ZFP91: variants seen among roughly 807,000 people sequenced by gnomAD.
The protein encoded by ZFP91 is ZFP91 zinc finger protein, atypical E3 ubiquitin ligase.
ZFP91 carries 7 observed loss-of-function variants against 63.5 expected under a neutral mutation model. The observed-to-expected ratio is 0.11, with a 90% CI of 0.06 to 0.21. ZFP91 has a LOEUF of 0.21. Among genes scored for constraint, ZFP91 ranks in the 10% least tolerant of loss-of-function variants. ZFP91 has a pLI of 1.00. For synonymous variants in ZFP91, 330 were observed against 272.1 expected (o/e 1.21, Z -2.10); for missense variants, 628 against 736.6 (o/e 0.85, Z 1.71).
Position 58,617,301 on chromosome 11 carries a change from C to T in ZFP91, c.1308C>T (p.Gly436=), listed in dbSNP as rs1293405126. The T allele has an allele frequency of 6.2e-7, 1 of 1,613,830 alleles. No individual in the cohort carries two copies. The highest frequency in any genetic ancestry group is 8.5e-7 in the Non-Finnish European group (1 of 1,179,962). ...ACCAGTTTTCTTGCAATATCTGTGG[C>T]AAAAAATTTGAGAAGAAGGACAGCG... ...SFYQFSCNIC[G]KKFEKKDSVV... is the part of the protein sequence containing the mutation. The change falls in exon 11 of 11, where the codon GGC becomes GGT. Residue 436 remains glycine (G), a synonymous_variant. Coordinates refer to ENST00000316059, the MANE Select transcript of ZFP91 (RefSeq NM_053023.5). This position sits in a 1 kb window ranked among gnomAD's most constrained non-coding sequence, Gnocchi z 4.2.
At chr11:58,581,060 G>A (rs913094642) in intron 1 of ZFP91, among the ~76,000 whole-genome samples, 3 of 152,132 alleles carry the variant, frequency 2.0e-5, no homozygotes, top group Non-Finnish European at 4.4e-5. Flanking sequence ...TCTCTGCAAC[G>A]TGAGTTTGTG....
chr11:58,614,177 T>C, intron 8 of ZFP91, 52 bp from the exon 9 acceptor site: 1 of 1,235,806 alleles, frequency 8.1e-7, no homozygotes, highest in South Asian at 1.4e-5. Context: ...ACAAGTACTT[T>C]CAGGAAGCCT....
At chr11:58,614,861 T>G (rs900108072) in intron 9 of ZFP91, among the ~76,000 whole-genome samples, 1 of 152,168 alleles carries the variant, frequency 6.6e-6, no homozygotes, top group Non-Finnish European at 1.5e-5. Context: ...CAATATGTAT[T>G]ATAGAATAGA....
In ZFP91 at chr11:58,601,532, G is replaced by A. The variant is rs1855490453; in HGVS notation, c.371-8298G>A. Among the ~76,000 whole-genome samples the A allele has an allele frequency of 2.0e-5, 3 of 151,354 alleles. 1 individual carries two copies. The highest frequency in any genetic ancestry group is 7.3e-5 in the African/African-American group (3 of 41,200). ...AGAACCAACTTATTTACTTTATTCT[G>A]CTAGCTTTGGGTTTACTCTGCTCCT... On this transcript the variant is annotated intron_variant, in intron 2 of 10. Transcript: ENST00000316059.
At chr11:58,584,757 GCTTT>G (rs1449151933) in intron 1 of ZFP91, 95 bp from the exon 2 acceptor site, 10 of 1,092,636 alleles carry the variant, frequency 9.2e-6, no homozygotes, top group African/African-American at 1.7e-5. Flanking sequence ...TAGTCTAGAT[GCTTT>G]CTTTATCACT....
intron 2 of ZFP91, among the ~76,000 whole-genome samples, chr11:58,586,062 G>C (rs1377042222): frequency 6.6e-6 from 1 of 151,012 alleles, no homozygotes; most frequent in Admixed American, 6.6e-5. Context: ...TCCTGTTGTT[G>C]TTACTTAGAA....
chr11:58,615,199 A>G (rs1222918555), intron 9 of ZFP91, among the ~76,000 whole-genome samples: 4 of 152,224 alleles, frequency 2.6e-5, no homozygotes, highest in Non-Finnish European at 1.5e-5. Flanking sequence ...TTGACTACAC[A>G]GAGCCTGGCA....
intron 2 of ZFP91, among the ~76,000 whole-genome samples, chr11:58,589,960 A>G (rs369549086): frequency 7.2e-5 from 11 of 152,330 alleles, no homozygotes; most frequent in South Asian, 4.1e-4. Flanking sequence ...TAATTTGCCT[A>G]TTACAGCTCA....
chr11:58,579,682 C>G (rs1012363697), intron 1 of ZFP91, 60 bp downstream of exon 1: 24 of 1,429,668 alleles, frequency 1.7e-5, no homozygotes, highest in Admixed American at 2.6e-5. Context: ...GCAACCCTCT[C>G]GGCTCCCGTA....
intron 2 of ZFP91, among the ~76,000 whole-genome samples, chr11:58,588,073 T>G (rs1347026356): frequency 1.3e-5 from 2 of 152,188 alleles, no homozygotes; most frequent in Non-Finnish European, 2.9e-5. Flanking sequence ...ATTTGACTTA[T>G]AAGACCCCCT....
rs537948894 is a variant in ZFP91, at chr11:58,617,456, A to T, written c.1463A>T (p.Asp488Val). 8.1e-6 allele frequency: 13 copies of T among 1,614,110 alleles called. No individual in the cohort carries two copies. Among genetic ancestry groups the T allele is most frequent in the Non-Finnish European group, 1.0e-5 (12 of 1,179,984 alleles). Residue 488 changes from aspartate to valine, a missense_variant, in exon 11 of 11, where the codon GAT becomes GTT. Transcript: ENST00000316059. The surrounding 1 kb of genome is among the most constrained non-coding windows in gnomAD (Gnocchi z 4.2). ...TNPESLTQPSDGQGLPLLPEP... is the reference protein window; with the variant it reads ...TNPESLTQPSVGQGLPLLPEP... ...CCAGAGTCCCTGACGCAGCCTTCAG[A>T]TGGTCAGGGTCTTCCTCTTCTTCCT...
Position 58,611,614 on chromosome 11 carries a change from A to G in ZFP91, c.733A>G (p.Lys245Glu). The change falls in exon 6 of 11, where the codon AAG becomes GAG. Residue 245 changes from lysine to glutamate, a missense_variant. Physicochemically the swap from Lys to Glu is moderately conservative, Grantham distance 56. Transcript: ENST00000316059. ...YKPHLERETPKPRRKSGKVKE... is the reference protein window; with the variant it reads ...YKPHLERETPEPRRKSGKVKE... Reference sequence around the variant, plus strand: ...CATTTGTGTTTTCAGGGAAACCCCAAAGCCACGGAGAAAATCAGGGAAGGT... The same window carrying G: ...CATTTGTGTTTTCAGGGAAACCCCAGAGCCACGGAGAAAATCAGGGAAGGT... 2 of 1,612,492 alleles carry G rather than the reference A, an allele frequency of 1.2e-6. No individual in the cohort carries two copies. Among genetic ancestry groups the G allele is most frequent in the South Asian group, 2.2e-5 (2 of 90,908 alleles).
chr11:58,596,214 T>G (rs2134402261), intron 2 of ZFP91, among the ~76,000 whole-genome samples: 1 of 152,330 alleles, frequency 6.6e-6, no homozygotes, highest in Non-Finnish European at 1.5e-5. Flanking sequence ...AGTGGATCGT[T>G]ATAAGGTCTT....
At chr11:58,584,734 T>C in intron 1 of ZFP91, 122 bp from the exon 2 acceptor site, 6 of 863,450 alleles carry the variant, frequency 6.9e-6, no homozygotes, top group Non-Finnish European at 1.0e-5. Flanking sequence ...CTGAAAATTC[T>C]GTAGGACAAC....
At chr11:58,593,336 A>G (rs1254970786) in intron 2 of ZFP91, among the ~76,000 whole-genome samples, 2 of 152,204 alleles carry the variant, frequency 1.3e-5, no homozygotes, top group Non-Finnish European at 2.9e-5. Context: ...TCAACACTGT[A>G]TACTTAGGCT....
rs577922637 is a variant in ZFP91, at chr11:58,589,967, C to G, written c.370+5083C>G. ...CTTTATAATAATTTGCCTATTACAG[C>G]TCAACTTATTGCCATCTTCGACACA... On this transcript the variant is annotated intron_variant, in intron 2 of 10. Coordinates refer to ENST00000316059, the MANE Select transcript of ZFP91 (RefSeq NM_053023.5). Among the ~76,000 whole-genome samples the G allele has an allele frequency of 3.1e-4, 47 of 152,290 alleles. 2 individuals carry two copies. The South Asian group carries it at 9.7e-3, about 32-fold the overall frequency.
rs999122829 is a variant in ZFP91, at chr11:58,612,860, A to C, written c.987+20A>C. The C allele has an allele frequency of 1.2e-6, 2 of 1,600,992 alleles. No homozygotes were observed. Among genetic ancestry groups the C allele is most frequent in the East Asian group, 4.5e-5 (2 of 44,766 alleles). ...TTGCAGGTCAGTGAAGTTGTTATATAAGAGCCTTTCAGGTTGTGTTCCATT... is the reference window on the plus strand; with the variant it reads ...TTGCAGGTCAGTGAAGTTGTTATATCAGAGCCTTTCAGGTTGTGTTCCATT... On this transcript the variant is annotated intron_variant, in intron 8 of 10. Coordinates refer to ENST00000316059, the MANE Select transcript of ZFP91 (RefSeq NM_053023.5).
intron 2 of ZFP91, among the ~76,000 whole-genome samples, chr11:58,596,607 A>G (rs546096317): frequency 1.1e-4 from 17 of 151,926 alleles, no homozygotes; most frequent in African/African-American, 3.9e-4. Flanking sequence ...TCATCATGTC[A>G]TCTTGTTACT....
chr11:58,612,600 A>G (rs1176474056), intron 7 of ZFP91, 162 bp from the exon 8 acceptor site: 20 of 638,778 alleles, frequency 3.1e-5, no homozygotes. Context: ...ATTCTTGGTT[A>G]CTTCTAATAC....
Sources: allele counts gnomAD v4.1 joint callset (sites outside exome capture counted in the v4.1 genomes callset), GRCh38; gene constraint gnomAD v4.1.1; non-coding constraint Gnocchi (gnomAD v3.1); transcripts MANE v1.5; gene names NCBI Gene and HGNC (gene_info 2026-07-23, HGNC 2026-07-21).